Variants in GRM7 observed in about 807,000 individuals in gnomAD.
GRM7 encodes glutamate metabotropic receptor 7.
GRM7 carries 35 observed loss-of-function variants against 84.5 expected under a neutral mutation model. The ratio of observed to expected loss-of-function variants is 0.41; its 90% CI spans 0.32 to 0.55. GRM7 has a LOEUF of 0.55. Among genes scored for constraint, GRM7 ranks in the 20% least tolerant of loss-of-function variants. The probability of loss-of-function intolerance (pLI) is 0.19; values close to 1 mark genes in which losing one functional copy is unlikely to be tolerated. For missense variants in GRM7, 1,003 were observed against 1,194.6 expected (o/e 0.84, Z 2.36); for synonymous variants, 487 against 455.1 (o/e 1.07, Z -0.89).
chr3:7,540,757 C>A (rs1414352478), intron 7 of GRM7, among the ~76,000 whole-genome samples: 1 of 152,030 alleles, frequency 6.6e-6, no homozygotes, highest in Non-Finnish European at 1.5e-5. Context: ...GTAAAGAAGA[C>A]AAAATAGACT....
chr3:7,455,762 C>T (rs1015592620), intron 6 of GRM7, among the ~76,000 whole-genome samples: 1 of 152,078 alleles, frequency 6.6e-6, no homozygotes, highest in Non-Finnish European at 1.5e-5. Context: ...CTAGAAAAAA[C>T]ACTAATGGGA....
At chr3:7,271,465 A>G (rs1217493303) in intron 2 of GRM7, among the ~76,000 whole-genome samples, 1 of 151,246 alleles carries the variant, frequency 6.6e-6, no homozygotes, top group Non-Finnish European at 1.5e-5. Context: ...AGGCTGAGGC[A>G]GGAGAATGGC....
intron 1 of GRM7, among the ~76,000 whole-genome samples, chr3:6,951,953 A>G (rs778920115): frequency 4.6e-5 from 7 of 151,942 alleles, no homozygotes; most frequent in Non-Finnish European, 1.0e-4. Flanking sequence ...GATTTTCTTT[A>G]TCCCTGGTAG....
At chr3:7,603,678 T>G (rs73809461) in intron 8 of GRM7, among the ~76,000 whole-genome samples, 4,545 of 152,220 alleles carry the variant, frequency 0.03, 182 homozygotes, top group East Asian at 0.099. Context: ...ATTTTTGTTT[T>G]GTTTGTTTTC....
At chr3:7,467,850 G>T (rs1305644499) in intron 7 of GRM7, among the ~76,000 whole-genome samples, 3 of 151,852 alleles carry the variant, frequency 2.0e-5, no homozygotes, top group African/African-American at 7.3e-5. Flanking sequence ...AGTGTGCCCA[G>T]GATGGAAAAG....
At chr3:7,014,924 T>C (rs1559384810) in intron 1 of GRM7, among the ~76,000 whole-genome samples, 1 of 152,124 alleles carries the variant, frequency 6.6e-6, no homozygotes, top group Non-Finnish European at 1.5e-5. Flanking sequence ...TAAAACGCAC[T>C]GATCAGTGCT....
intron 9 of GRM7, among the ~76,000 whole-genome samples, chr3:7,727,111 A>G (rs1385582035): frequency 6.6e-6 from 1 of 152,192 alleles, no homozygotes; most frequent in Non-Finnish European, 1.5e-5. Flanking sequence ...ACTAAATATT[A>G]TTAACAATAT....
At chr3:6,977,604 A>G (rs1296560573) in intron 1 of GRM7, among the ~76,000 whole-genome samples, 1 of 152,160 alleles carries the variant, frequency 6.6e-6, no homozygotes, top group Admixed American at 6.5e-5. Flanking sequence ...AAGCAAACTA[A>G]GTCTCCAATC....
intron 7 of GRM7, among the ~76,000 whole-genome samples, chr3:7,507,566 A>G (rs1036005501): frequency 3.9e-5 from 6 of 152,240 alleles, no homozygotes; most frequent in African/African-American, 1.4e-4. Flanking sequence ...AGCAGATAAA[A>G]GCCGAGGCCA....
intron 6 of GRM7, among the ~76,000 whole-genome samples, chr3:7,460,713 T>C (rs932411965): frequency 2.0e-5 from 3 of 152,210 alleles, no homozygotes; most frequent in African/African-American, 7.2e-5. Context: ...TTGTAACTAT[T>C]GCTGAAACTA....
At chr3:6,907,579 T>C (rs1696625893) in intron 1 of GRM7, among the ~76,000 whole-genome samples, 1 of 152,166 alleles carries the variant, frequency 6.6e-6, no homozygotes, top group Admixed American at 6.6e-5. Flanking sequence ...CATGAAGTGA[T>C]CTCTACTTAT....
chr3:7,062,558 C>T (rs781605791), intron 1 of GRM7, among the ~76,000 whole-genome samples: 4 of 151,722 alleles, frequency 2.6e-5, no homozygotes, highest in Non-Finnish European at 5.9e-5. Flanking sequence ...CAATCACCCC[C>T]AGGGAGTTTG....
intron 8 of GRM7, among the ~76,000 whole-genome samples, chr3:7,640,697 C>T (rs768647959): frequency 6.6e-6 from 1 of 152,138 alleles, no homozygotes; most frequent in Non-Finnish European, 1.5e-5. Context: ...TTACTTTAAG[C>T]TTGTAAAGTC....
At chr3:7,077,654 T>A (rs1433869948) in intron 1 of GRM7, among the ~76,000 whole-genome samples, 2 of 152,018 alleles carry the variant, frequency 1.3e-5, no homozygotes, top group Non-Finnish European at 2.9e-5. Flanking sequence ...CAAACCACCA[T>A]GGCACGTGTA....
At chr3:6,944,101 A>G (rs1293136214) in intron 1 of GRM7, among the ~76,000 whole-genome samples, 1 of 151,978 alleles carries the variant, frequency 6.6e-6, no homozygotes, top group Admixed American at 6.6e-5. Flanking sequence ...GATTTTCTAT[A>G]TATGTGACCA....
chr3:7,294,302 T>G (rs1332901314), intron 2 of GRM7, among the ~76,000 whole-genome samples: 1 of 152,142 alleles, frequency 6.6e-6, no homozygotes, highest in African/African-American at 2.4e-5. Context: ...CCATCCAAAA[T>G]TATACCCCTT....
At chr3:7,604,623 G>C (rs1696475621) in intron 8 of GRM7, among the ~76,000 whole-genome samples, 1 of 152,150 alleles carries the variant, frequency 6.6e-6, no homozygotes, top group Non-Finnish European at 1.5e-5. Flanking sequence ...TTTCTTACAT[G>C]TGGCTTAGTA....
intron 1 of GRM7, among the ~76,000 whole-genome samples, chr3:6,996,692 A>G (rs1033709054): frequency 2.7e-4 from 41 of 152,188 alleles, no homozygotes; most frequent in African/African-American, 8.4e-4. Context: ...TTCTGTCACA[A>G]AAGCAAAGGG....
chr3:7,415,526 G>A (rs1696125175), intron 5 of GRM7, among the ~76,000 whole-genome samples: 2 of 152,078 alleles, frequency 1.3e-5, no homozygotes, highest in South Asian at 4.1e-4. Context: ...TGTTACCATG[G>A]ACAGTATACT....
Sources: allele counts gnomAD v4.1 joint callset (sites outside exome capture counted in the v4.1 genomes callset), GRCh38; gene constraint gnomAD v4.1.1; transcripts MANE v1.5; gene names NCBI Gene and HGNC (gene_info 2026-07-23, HGNC 2026-07-21).